ALPK2: variants seen among roughly 807,000 people sequenced by gnomAD.
ALPK2 encodes alpha-protein kinase 2.
In ALPK2, 127 loss-of-function variants were observed where a neutral mutation model predicts 163.1. The ratio of observed to expected loss-of-function variants is 0.78; its 90% confidence interval spans 0.67 to 0.90. ALPK2 has a LOEUF of 0.90. Ranked by LOEUF, ALPK2 falls within the 40% of genes least tolerant of loss-of-function variation. The probability of loss-of-function intolerance (pLI) is 0.00; values close to 1 mark genes in which losing one functional copy is unlikely to be tolerated. For synonymous variants in ALPK2, 953 were observed against 959.1 expected (o/e 0.99, Z 0.12); for missense variants, 2,360 against 2,589.6 (o/e 0.91, Z 1.92).
At chr18:58,595,982 C>A (rs572406299) in intron 3 of ALPK2, among the ~76,000 whole-genome samples, 17 of 152,254 alleles carry the variant, frequency 1.1e-4, no homozygotes, top group African/African-American at 3.8e-4. Flanking sequence ...GGGTAAAGGT[C>A]CCCTTATTAA....
At chr18:58,586,345 T>G (rs967675307) in intron 3 of ALPK2, among the ~76,000 whole-genome samples, 1 of 152,210 alleles carries the variant, frequency 6.6e-6, no homozygotes, top group African/African-American at 2.4e-5. Flanking sequence ...CTGAAAATTC[T>G]CACCTCTGTA....
chr18:58,490,298 TAACCTTCAGC>T (rs1322433052), intron 12 of ALPK2, among the ~76,000 whole-genome samples: 1 of 152,178 alleles, frequency 6.6e-6, no homozygotes, highest in Non-Finnish European at 1.5e-5. Context: ...TTGGGGCAGG[TAACCTTCAGC>T]AACTTATCTG....
chr18:58,550,647 C>T (rs1422244074), intron 4 of ALPK2, among the ~76,000 whole-genome samples: 9 of 151,978 alleles, frequency 5.9e-5, no homozygotes, highest in African/African-American at 7.3e-5. Flanking sequence ...CGTACAACCC[C>T]ATCCCCGTCT....
intron 11 of ALPK2, among the ~76,000 whole-genome samples, chr18:58,502,443 T>G (rs924414923): frequency 6.6e-6 from 1 of 152,150 alleles, no homozygotes; most frequent in African/African-American, 2.4e-5. Context: ...CTCATTTAAT[T>G]CTCAAAACAA....
intron 4 of ALPK2, among the ~76,000 whole-genome samples, chr18:58,569,804 T>C (rs1046029911): frequency 1.3e-5 from 2 of 152,202 alleles, no homozygotes; most frequent in Admixed American, 6.5e-5. Context: ...AGAGGCATGC[T>C]GGCCACACTC....
intron 10 of ALPK2, among the ~76,000 whole-genome samples, chr18:58,509,951 T>C (rs1296652188): frequency 6.6e-6 from 1 of 152,224 alleles, no homozygotes; most frequent in Non-Finnish European, 1.5e-5. Flanking sequence ...AGACATGAAG[T>C]CTTTGCCCAT....
At chr18:58,520,641 A>G (rs1394768295) in intron 8 of ALPK2, among the ~76,000 whole-genome samples, 2 of 152,106 alleles carry the variant, frequency 1.3e-5, no homozygotes, top group Admixed American at 6.5e-5. Context: ...CAGAAAAGCA[A>G]TCTACAAATA....
At chr18:58,493,412 C>T (rs527590130) in intron 12 of ALPK2, among the ~76,000 whole-genome samples, 1 of 152,254 alleles carries the variant, frequency 6.6e-6, no homozygotes, top group African/African-American at 2.4e-5. Context: ...TGTTTCTTCC[C>T]ACCTCCAAGT....
chr18:58,538,328 G>A, intron 4 of ALPK2, 104 bp from the exon 5 acceptor site: 1 of 1,015,190 alleles, frequency 9.9e-7, no homozygotes, highest in Non-Finnish European at 1.4e-6. Context: ...CCGTAATAAT[G>A]GACAAGAATG....
In ALPK2 at chr18:58,580,180, G is replaced by C. The variant is rs140972067; in HGVS notation, c.596C>G (p.Thr199Ser). 683 of 1,614,212 alleles carry C rather than the reference G, an allele frequency of 4.2e-4. 2 individuals carry two copies. In the African/African-American group the frequency reaches 8.1e-3, roughly 19 times the overall value. Residue 199 changes from threonine to serine, a missense_variant, in exon 4 of 13, where the codon ACT becomes AGT. Thr to Ser is a moderately conservative substitution (Grantham distance 58). Transcript: ENST00000361673. Reference protein sequence around the residue: ...NPLGVKGTRHTGEAYDPSNTE... With the variant: ...NPLGVKGTRHSGEAYDPSNTE... ...GTTACTTGGATCATAAGCCTCTCCA[G>C]TGTGCCTTGTTCCTTTAACACCCAA...
At chr18:58,611,501 C>T (rs577874305) in intron 2 of ALPK2, among the ~76,000 whole-genome samples, 188 bp downstream of exon 2, 13 of 152,124 alleles carry the variant, frequency 8.5e-5, no homozygotes, top group African/African-American at 3.1e-4. Context: ...AAATCGTGTC[C>T]AGGAAGTCAC....
chr18:58,624,055 G>A (rs2052216161), intron 1 of ALPK2, among the ~76,000 whole-genome samples: 1 of 152,164 alleles, frequency 6.6e-6, no homozygotes, highest in Admixed American at 6.5e-5. Context: ...TCAGCAGCCT[G>A]GGGACTCGGC....
rs939961446 is a variant in ALPK2, at chr18:58,555,960, T to A, written c.1963-17736A>T. 7.7e-4 allele frequency among the ~76,000 whole-genome samples: 118 copies of A among 152,280 alleles called. 2 individuals are homozygous for A. The highest frequency in any genetic ancestry group is 2.6e-4 in the Non-Finnish European group (18 of 68,034). ...CCTCAGCCTCCCAAGTAGCTGGGAT[T>A]ACAGGCACCCGACACCACGCCTGGC... On this transcript the variant is annotated intron_variant, in intron 4 of 12. Transcript: ENST00000361673.
intron 1 of ALPK2, among the ~76,000 whole-genome samples, chr18:58,614,915 C>T (rs918493641): frequency 6.6e-6 from 1 of 152,188 alleles, no homozygotes; most frequent in Admixed American, 6.5e-5. Context: ...CACCCTCCCC[C>T]CCAACACACA....
rs1446873720 is a variant in ALPK2 at position 58,580,546 on chromosome 18, C to T, written c.230G>A (p.Cys77Tyr). Residue 77 changes from cysteine to tyrosine, a missense_variant and splice_region_variant, in exon 4 of 13, where the codon TGT becomes TAT. Physicochemically the swap from Cys to Tyr is radical, Grantham distance 194. Coordinates refer to ENST00000361673, the MANE Select transcript of ALPK2 (RefSeq NM_052947.4). The part of the protein sequence containing the change: ...QYIHVLHLSC[C>Y]TKNDAAVYQI... The stretch of plus-strand genomic sequence containing the variant: ...ATAGACAGCAGCATCATTTTTGGTA[C>T]AGCTAGGATGAAGAGAATATATAGA... The T allele has an allele frequency of 1.2e-6, 2 of 1,611,882 alleles. No homozygotes were observed. The highest frequency in any genetic ancestry group is 2.7e-5 in the African/African-American group (2 of 74,870).
intron 3 of ALPK2, among the ~76,000 whole-genome samples, chr18:58,592,712 G>A (rs866746338): frequency 1.3e-5 from 2 of 152,176 alleles, no homozygotes; most frequent in Admixed American, 6.5e-5. Context: ...AGGACAATTC[G>A]AAGCCGATTG....
chr18:58,591,833 C>T (rs1391971976), intron 3 of ALPK2, among the ~76,000 whole-genome samples: 1 of 152,168 alleles, frequency 6.6e-6, no homozygotes, highest in Non-Finnish European at 1.5e-5. Flanking sequence ...AAGGGACTCT[C>T]TTAATACACC....
At chr18:58,563,783 T>A (rs1454102241) in intron 4 of ALPK2, among the ~76,000 whole-genome samples, 1 of 152,226 alleles carries the variant, frequency 6.6e-6, no homozygotes, top group Non-Finnish European at 1.5e-5. Context: ...TTCTCAGTGT[T>A]TCATTATTGT....
intron 1 of ALPK2, among the ~76,000 whole-genome samples, chr18:58,621,405 C>T (rs1176881205): frequency 2.0e-5 from 3 of 151,482 alleles, no homozygotes; most frequent in Non-Finnish European, 4.4e-5. Flanking sequence ...CTCCCGAGCT[C>T]GAACTACAGG....
Sources: allele counts gnomAD v4.1 joint callset (sites outside exome capture counted in the v4.1 genomes callset), GRCh38; gene constraint gnomAD v4.1.1; transcripts MANE v1.5; gene names NCBI Gene and HGNC (gene_info 2026-07-23, HGNC 2026-07-21).